Variants in PAX4 observed in about 807,000 individuals in gnomAD.
PAX4 encodes paired box 4, also known as paired box protein Pax-4.
Under a neutral mutation model 40.6 loss-of-function variants are expected in PAX4, and 33 were observed. The observed-to-expected ratio is 0.81, with a 90% confidence interval of 0.62 to 1.09. PAX4 has a LOEUF of 1.09. PAX4 is among the 50% of genes least tolerant of loss of function. PAX4 has a pLI of 0.00. For synonymous variants in PAX4, 174 were observed against 170.6 expected (o/e 1.02, Z -0.16); for missense variants, 459 against 442.5 (o/e 1.04, Z -0.33).
chr7:127,613,953 T>C, intron 6 of PAX4, 72 bp from the exon 7 acceptor site: 3 of 1,581,760 alleles, frequency 1.9e-6, no homozygotes, highest in Middle Eastern at 1.7e-4. Flanking sequence ...TCCCTGAGTC[T>C]CTGGGGCTGC....
At chr7:127,615,568 C>G (rs1389360973) in intron 3 of PAX4, 37 bp from the exon 4 acceptor site, 31 of 1,612,512 alleles carry the variant, frequency 1.9e-5, no homozygotes, top group Non-Finnish European at 2.5e-5. Flanking sequence ...CACCACCTCT[C>G]CCACTGCCCT....
rs757329944 is a variant in PAX4 at position 127,613,051 on chromosome 7, T to C, written c.686A>G (p.Glu229Gly). 4 of 1,613,354 alleles carry C rather than the reference T, an allele frequency of 2.5e-6. No individual in the cohort carries two copies. The highest frequency in any genetic ancestry group is 3.3e-5 in the Admixed American group (2 of 60,022). The change falls in exon 9 of 12, where the codon GAG becomes GGG. Residue 229 changes from glutamate to glycine, a missense_variant. Glu to Gly is a moderately conservative substitution (Grantham distance 98). Transcript: ENST00000639438. ...SNRRAKWRRQ[E>G]KLKWEMQLPG... ...CAGCTGCATTTCCCACTTGAGCTTC[T>C]CTTGCCGACGCCATTTGGCTCTTCT...
At chr7:127,614,701 C>G in intron 5 of PAX4, 144 bp from the exon 6 acceptor site, 1 of 1,113,672 alleles carries the variant, frequency 9.0e-7, no homozygotes, top group Non-Finnish European at 1.3e-6. Flanking sequence ...TCTCTCTATG[C>G]TTTCTCCTTC....
In PAX4 at chr7:127,614,891, T is replaced by C. The variant is rs1794698766; in HGVS notation, c.349A>G (p.Lys117Glu). ...GGAAGGGTACTTACACTGGGAGTCT[T>C]GTCCTGGGTGCAAAGCCCTTCAGCA... The part of the protein sequence containing the change: ...LCAEGLCTQD[K>E]TPSVSSINRV... Residue 117 changes from lysine (K) to glutamate (E), a missense_variant, in exon 5 of 12, where the codon AAG becomes GAG. Physicochemically the swap from Lys to Glu is moderately conservative, Grantham distance 56 (BLOSUM62 1). Transcript: ENST00000639438. 3 of 1,613,928 alleles carry C rather than the reference T, an allele frequency of 1.9e-6. No homozygotes were observed. The highest frequency in any genetic ancestry group is 2.7e-5 in the African/African-American group (2 of 74,902).
At chr7:127,616,770 T>C (rs939683817) in intron 2 of PAX4, among the ~76,000 whole-genome samples, 2 of 152,242 alleles carry the variant, frequency 1.3e-5, no homozygotes, top group Non-Finnish European at 2.9e-5. Context: ...CAGACACTCA[T>C]TCATTCAACT....
intron 3 of PAX4, 126 bp from the exon 4 acceptor site, chr7:127,615,657 C>T (rs1794713257): frequency 6.3e-7 from 1 of 1,574,902 alleles, no homozygotes; most frequent in African/African-American, 1.3e-5. Flanking sequence ...TGGGAGACTG[C>T]ATCCTTGCTG....
At chr7:127,613,608 C>T in intron 7 of PAX4, 76 bp from the exon 8 acceptor site, 5 of 1,583,998 alleles carry the variant, frequency 3.2e-6, no homozygotes, top group Non-Finnish European at 4.3e-6. Flanking sequence ...GGCAACACTC[C>T]CCACCTGCTA....
At chr7:127,617,596 A>G (rs1442684556) in intron 1 of PAX4, among the ~76,000 whole-genome samples, 196 bp from the exon 2 acceptor site, 1 of 152,208 alleles carries the variant, frequency 6.6e-6, no homozygotes, top group Non-Finnish European at 1.5e-5. Flanking sequence ...GAAGGAGCTC[A>G]AAATATCAGC....
chr7:127,612,884 G>A (rs938493071), intron 9 of PAX4, 138 bp downstream of exon 9: 5 of 706,126 alleles, frequency 7.1e-6, no homozygotes, highest in Non-Finnish European at 1.0e-5. Flanking sequence ...ATGAATGGAT[G>A]AATGGATGGA....
chr7:127,613,689 C>A (rs944284328), intron 7 of PAX4, 67 bp downstream of exon 7: 2 of 1,609,916 alleles, frequency 1.2e-6, no homozygotes, highest in Admixed American at 3.3e-5. Context: ...TGCCCACAGG[C>A]CTCAGGGCCA....
intron 4 of PAX4, 57 bp from the exon 5 acceptor site, chr7:127,615,152 T>G: frequency 6.2e-7 from 1 of 1,612,574 alleles, no homozygotes; most frequent in Non-Finnish European, 8.5e-7. Flanking sequence ...GGAAGGAGAG[T>G]GTCCCTGGGA....
At chr7:127,615,808 C>A in intron 3 of PAX4, 108 bp downstream of exon 3, 1 of 1,528,662 alleles carries the variant, frequency 6.5e-7, no homozygotes. Context: ...AAAGCTTCCC[C>A]AGAACATTGG....
In PAX4 at chr7:127,610,750, T is replaced by A. The variant is rs1293065387; in HGVS notation, c.*314A>T. The A allele has an allele frequency of 6.3e-6, 5 of 798,882 alleles. No homozygotes were observed. The highest frequency in any genetic ancestry group is 8.1e-6 in the Non-Finnish European group (4 of 494,566). The allele number at this position is 798,882 out of a possible 1,614,324, so 49.5% of individuals were successfully genotyped here. A position where few individuals can be genotyped will look rare whatever the true frequency, so the allele number is the denominator to read the frequency against. On this transcript the variant is annotated 3_prime_UTR_variant, in exon 12 of 12. Coordinates refer to ENST00000639438, the MANE Select transcript of PAX4 (RefSeq NM_001366110.1). ...GCAAATTGTCTATAATTGTTGAATA[T>A]TAGAGTGGGCATAGGGGTGCTCATA...
rs757705365 is a variant in PAX4 at position 127,611,205 on chromosome 7, G to C, written c.915C>G (p.Gly305=). 12 of 1,596,052 alleles carry C rather than the reference G, an allele frequency of 7.5e-6. No individual in the cohort carries two copies. The highest frequency in any genetic ancestry group is 7.7e-6 in the Non-Finnish European group (9 of 1,171,540). Residue 305 remains glycine (G), a splice_region_variant and synonymous_variant, in exon 12 of 12, where the codon GGC becomes GGG. Transcript: ENST00000639438. The part of the protein sequence containing the change: ...PPKACLKPCW[G]HLPPQPNSLD... The stretch of plus-strand genomic sequence containing the variant: ...GGGAATTCGGCTGTGGGGGCAAGTG[G>C]CCTGTGGGGACAAATAGAGAGAGCT...
At chr7:127,615,647 TG>T in intron 3 of PAX4, 116 bp from the exon 4 acceptor site, 2 of 1,588,488 alleles carry the variant, frequency 1.3e-6, no homozygotes, top group Non-Finnish European at 1.7e-6. Flanking sequence ...CATCCTCTCC[TG>T]GGAGACTGCA....
chr7:127,614,843 T>C, intron 5 of PAX4, 37 bp downstream of exon 5: 1 of 1,603,988 alleles, frequency 6.2e-7, no homozygotes, highest in Non-Finnish European at 8.5e-7. Flanking sequence ...AGAAAGCCTC[T>C]TTTCCAGCCC....
At position 127,610,756 on chromosome 7, in the gene PAX4, T is replaced by C; in HGVS notation, c.*308A>G. On this transcript the variant is annotated 3_prime_UTR_variant, in exon 12 of 12. Coordinates refer to ENST00000639438, the MANE Select transcript of PAX4 (RefSeq NM_001366110.1). ...TGTCTATAATTGTTGAATATTAGAG[T>C]GGGCATAGGGGTGCTCATAGGGAAA... is the stretch of plus-strand genomic sequence containing the variant. 1.2e-6 allele frequency: 1 copy of C among 827,614 alleles called. No homozygotes were observed. The highest frequency in any genetic ancestry group is 1.9e-6 in the Non-Finnish European group (1 of 519,914). The allele number at this position is 827,614 out of a possible 1,614,324, so 51.3% of individuals were successfully genotyped here.
At chr7:127,612,041 G>T in intron 9 of PAX4, 41 bp from the exon 10 acceptor site, 1 of 1,595,058 alleles carries the variant, frequency 6.3e-7, no homozygotes, top group Non-Finnish European at 8.6e-7. Flanking sequence ...GAGGAATTGG[G>T]GTTAGGGACG....
intron 11 of PAX4, 23 bp from the exon 12 acceptor site, chr7:127,611,229 C>T: frequency 6.4e-7 from 1 of 1,573,884 alleles, no homozygotes; most frequent in Non-Finnish European, 8.6e-7. Context: ...ATAGAGAGAG[C>T]TTGGGGTTAT....
Sources: allele counts gnomAD v4.1 joint callset (sites outside exome capture counted in the v4.1 genomes callset), GRCh38; gene constraint gnomAD v4.1.1; transcripts MANE v1.5; gene names NCBI Gene and HGNC (gene_info 2026-07-23, HGNC 2026-07-21).